Variants in PDE4B observed in about 807,000 individuals in gnomAD.
PDE4B encodes 3',5'-cyclic-AMP phosphodiesterase 4B.
A neutral mutation model predicts 82.2 loss-of-function variants in PDE4B; 20 were observed. That is an observed-to-expected ratio of 0.24 (90% CI 0.17 to 0.35). The LOEUF (loss-of-function observed/expected upper bound fraction) is 0.35. Ranked by LOEUF, PDE4B falls within the 10% of genes least tolerant of loss-of-function variation. The probability of loss-of-function intolerance (pLI) is 1.00; values close to 1 mark genes in which losing one functional copy is unlikely to be tolerated. For synonymous variants in PDE4B, 320 were observed against 318.9 expected, an observed-to-expected ratio of 1.00 and a Z score of -0.04; for missense variants, 655 against 907.2, an observed-to-expected ratio of 0.72 and a Z score of 3.57.
At chr1:66,134,370 G>A (rs531244) in intron 3 of PDE4B, among the ~76,000 whole-genome samples, 40,676 of 152,158 alleles carry the variant, frequency 0.27, 5,671 homozygotes, top group Non-Finnish European at 0.31. Context: ...AGGTACCACG[G>A]CCTTTTACCA....
intron 1 of PDE4B, among the ~76,000 whole-genome samples, chr1:65,905,314 G>A (rs947464858): frequency 1.3e-5 from 2 of 152,148 alleles, no homozygotes; most frequent in Non-Finnish European, 2.9e-5. Context: ...GCCCGGCAAA[G>A]TTGAAGACAT....
chr1:65,835,958 C>G (rs1022413743), intron 1 of PDE4B, among the ~76,000 whole-genome samples: 3 of 150,420 alleles, frequency 2.0e-5, no homozygotes, highest in African/African-American at 4.9e-5. Flanking sequence ...TATTTTTTTC[C>G]GAGATGGAGT....
chr1:66,360,513 A>C (rs1244155398), intron 9 of PDE4B: 1 of 152,214 alleles, frequency 6.6e-6, no homozygotes, highest in African/African-American at 2.4e-5. Context: ...TTGTCTTCCT[A>C]CTAATTTTCA....
chr1:66,067,227 T>A (rs956607349), intron 3 of PDE4B, among the ~76,000 whole-genome samples: 1 of 152,072 alleles, frequency 6.6e-6, no homozygotes, highest in African/African-American at 2.4e-5. Flanking sequence ...CTGGGTCAAA[T>A]GGTATTTCTA....
At chr1:65,917,111 C>T (rs1025575314) in intron 2 of PDE4B, among the ~76,000 whole-genome samples, 1 of 152,094 alleles carries the variant, frequency 6.6e-6, no homozygotes, top group African/African-American at 2.4e-5. Context: ...ATTATATGTT[C>T]TATGAGAAAA....
intron 3 of PDE4B, among the ~76,000 whole-genome samples, chr1:66,051,102 C>T (rs192156123): frequency 2.6e-5 from 4 of 151,942 alleles, no homozygotes; most frequent in African/African-American, 9.7e-5. Flanking sequence ...TATGTTTTTG[C>T]CTTTGGAACA....
chr1:66,048,004 A>T (rs2100850223), intron 3 of PDE4B, among the ~76,000 whole-genome samples: 1 of 151,924 alleles, frequency 6.6e-6, no homozygotes, highest in East Asian at 1.9e-4. Context: ...CTTTCTTTGG[A>T]TGGCGTCTAC....
At chr1:66,215,515 A>G (rs902713995) in intron 3 of PDE4B, among the ~76,000 whole-genome samples, 3 of 152,108 alleles carry the variant, frequency 2.0e-5, no homozygotes, top group Non-Finnish European at 2.9e-5. Flanking sequence ...AGGAGGGAGG[A>G]GTTGTAAGCT....
chr1:65,824,225 T>C (rs1449777578), intron 1 of PDE4B, among the ~76,000 whole-genome samples: 1 of 152,206 alleles, frequency 6.6e-6, no homozygotes, highest in Non-Finnish European at 1.5e-5. Flanking sequence ...GCTGGTGTGT[T>C]CTTTTTCCTA....
intron 3 of PDE4B, among the ~76,000 whole-genome samples, chr1:66,146,670 T>C (rs1382675353): frequency 6.6e-6 from 1 of 152,182 alleles, no homozygotes; most frequent in Admixed American, 6.5e-5. Flanking sequence ...TATAGATATT[T>C]GAAATGTGTC....
intron 3 of PDE4B, among the ~76,000 whole-genome samples, chr1:65,943,385 C>A (rs1264449530): frequency 2.0e-5 from 3 of 151,856 alleles, no homozygotes; most frequent in Non-Finnish European, 2.9e-5. Context: ...CAGCACCATG[C>A]TGTTTTGATT....
Position 65,897,458 on chromosome 1 carries a change from G to A in PDE4B, c.-70-15787G>A, listed in dbSNP as rs1646923829. Among the ~76,000 whole-genome samples, 4 of 152,148 alleles carry A rather than the reference G, an allele frequency of 2.6e-5. No homozygotes were observed. The South Asian group carries it at 8.3e-4, about 32-fold the overall frequency. ...TAATACTGAGGTTTGGAGTATGAAT[G>A]GTTCCATCTCTCAGGCAATAGGTAG... On this transcript the variant is annotated intron_variant, in intron 1 of 16. Coordinates refer to ENST00000341517, the MANE Select transcript of PDE4B (RefSeq NM_002600.4).
chr1:66,323,332 C>T (rs1208087959), intron 7 of PDE4B, among the ~76,000 whole-genome samples: 4 of 152,136 alleles, frequency 2.6e-5, no homozygotes, highest in Non-Finnish European at 5.9e-5. Flanking sequence ...GCAGGCCTTC[C>T]TTCACATCCC....
chr1:66,084,141 ACAAGAGAGTACATGTTGGGGTGAAAG>A (rs1656883641), intron 3 of PDE4B, among the ~76,000 whole-genome samples: 2 of 152,260 alleles, frequency 1.3e-5, no homozygotes, highest in South Asian at 4.1e-4. Context: ...AGAAAATATA[ACAAGAGAGTACATGTTGGGGTGAAAG>A]AAAATAGAAA....
intron 3 of PDE4B, among the ~76,000 whole-genome samples, chr1:66,088,192 A>G (rs2100982936): frequency 6.6e-6 from 1 of 152,084 alleles, no homozygotes; most frequent in East Asian, 1.9e-4. Flanking sequence ...GACACAGTGA[A>G]TCTGAAGATT....
At chr1:65,876,676 G>T (rs1158031596) in intron 1 of PDE4B, among the ~76,000 whole-genome samples, 1 of 151,986 alleles carries the variant, frequency 6.6e-6, no homozygotes, top group Non-Finnish European at 1.5e-5. Flanking sequence ...ATGACACATT[G>T]TATGTATATA....
chr1:66,104,222 A>G (rs905837297), intron 3 of PDE4B, among the ~76,000 whole-genome samples: 1 of 151,882 alleles, frequency 6.6e-6, no homozygotes, highest in Non-Finnish European at 1.5e-5. Context: ...GTTTACTGAG[A>G]ATGATGATTT....
At chr1:66,030,416 G>A (rs1022558789) in intron 3 of PDE4B, among the ~76,000 whole-genome samples, 1 of 152,156 alleles carries the variant, frequency 6.6e-6, no homozygotes, top group African/African-American at 2.4e-5. Context: ...AAAGGGCTTT[G>A]GTAGGATTAA....
chr1:65,981,048 C>T (rs1650657880), intron 3 of PDE4B, among the ~76,000 whole-genome samples: 1 of 152,000 alleles, frequency 6.6e-6, no homozygotes, highest in Non-Finnish European at 1.5e-5. Flanking sequence ...CAATAGTAGC[C>T]ATGAGAATTA....
Sources: gnomAD v4.1 joint callset for allele counts (sites outside exome capture counted in the v4.1 genomes callset) on GRCh38, gnomAD v4.1.1 for gene constraint, MANE v1.5 for transcripts, NCBI Gene and HGNC (gene_info 2026-07-23, HGNC 2026-07-21) for gene names.